The following LYPLAL1 variants were observed in gnomAD, a reference collection of about 807,000 sequenced individuals.
LYPLAL1 encodes lysophospholipase like 1.
LYPLAL1 carries 23 observed loss-of-function variants against 19.7 expected under a neutral mutation model. The observed-to-expected ratio is 1.17, with a 90% confidence interval of 0.84 to 1.65. The LOEUF is 1.65. Ranked by LOEUF, LYPLAL1 falls within the 40% of genes most tolerant of loss-of-function variation. The pLI, the probability that LYPLAL1 is intolerant of heterozygous loss-of-function variation, is 0.00. For synonymous variants in LYPLAL1, 119 were observed against 96.3 expected, an observed-to-expected ratio of 1.24 and a Z score of -1.38; for missense variants, 355 against 279.4, an observed-to-expected ratio of 1.27 and a Z score of -1.93.
chr1:219,357,501 C>A, the LYPLAL1 span, among the ~76,000 whole-genome samples: 2 of 152,160 alleles, frequency 1.3e-5, no homozygotes, highest in Non-Finnish European at 2.9e-5. Context: ...ACCATACTCA[C>A]TACTAGAATG....
At chr1:219,296,988 C>T in the LYPLAL1 span, among the ~76,000 whole-genome samples, 2 of 152,150 alleles carry the variant, frequency 1.3e-5, no homozygotes, top group African/African-American at 2.4e-5. Context: ...TAGACGTGCC[C>T]GCTAATAACT....
At chr1:219,419,816 T>G in the LYPLAL1 span, among the ~76,000 whole-genome samples, 3 of 152,148 alleles carry the variant, frequency 2.0e-5, no homozygotes, top group Non-Finnish European at 4.4e-5. Flanking sequence ...GTAAACAACC[T>G]GGAGTATCTT....
chr1:219,317,188 A>G, the LYPLAL1 span, among the ~76,000 whole-genome samples: 1 of 152,120 alleles, frequency 6.6e-6, no homozygotes, highest in Admixed American at 6.5e-5. Flanking sequence ...CAAATACTTC[A>G]TGTCAATTTT....
At chr1:219,389,019 C>A in the LYPLAL1 span, among the ~76,000 whole-genome samples, 1 of 152,258 alleles carries the variant, frequency 6.6e-6, no homozygotes. Flanking sequence ...TTTCTTTACA[C>A]ATTTAAAATA....
the LYPLAL1 span, among the ~76,000 whole-genome samples, chr1:219,310,578 T>C: frequency 7.9e-5 from 12 of 152,296 alleles, no homozygotes; most frequent in South Asian, 4.1e-4. Context: ...TTGTCTAAGC[T>C]TGGACTTCAA....
At chr1:219,254,012 G>A in the LYPLAL1 span, among the ~76,000 whole-genome samples, 1 of 152,010 alleles carries the variant, frequency 6.6e-6, no homozygotes, top group Non-Finnish European at 1.5e-5. Flanking sequence ...TTGCTGAATT[G>A]AACCCTTTAC....
At chr1:219,329,010 G>T in the LYPLAL1 span, among the ~76,000 whole-genome samples, 2 of 151,254 alleles carry the variant, frequency 1.3e-5, no homozygotes, top group Admixed American at 6.6e-5. Context: ...ATCCTTTTTG[G>T]AGCAAAGCAG....
At chr1:219,270,828 A>C in the LYPLAL1 span, 1 of 152,148 alleles carries the variant, frequency 6.6e-6, no homozygotes, top group Non-Finnish European at 1.5e-5. Context: ...TTGCCTTACT[A>C]TCTGCCTAAA....
the LYPLAL1 span, among the ~76,000 whole-genome samples, chr1:219,264,496 A>G: frequency 6.6e-6 from 1 of 152,208 alleles, no homozygotes; most frequent in Non-Finnish European, 1.5e-5. Flanking sequence ...AGATTTTCCA[A>G]AGTAGACTTC....
At chr1:219,317,954 C>A in the LYPLAL1 span, among the ~76,000 whole-genome samples, 2 of 152,092 alleles carry the variant, frequency 1.3e-5, no homozygotes, top group African/African-American at 4.8e-5. Context: ...TGTCACCAAG[C>A]GGCAGCAAGA....
At chr1:219,424,567 G>A in the LYPLAL1 span, among the ~76,000 whole-genome samples, 3 of 152,254 alleles carry the variant, frequency 2.0e-5, no homozygotes, top group South Asian at 4.2e-4. Flanking sequence ...AAGAATCAGA[G>A]GAGGACATCT....
the LYPLAL1 span, among the ~76,000 whole-genome samples, chr1:219,389,677 AG>A: frequency 6.6e-6 from 1 of 152,164 alleles, no homozygotes; most frequent in Admixed American, 6.5e-5. Context: ...ATACCAATGA[AG>A]AACTGTAATC....
At chr1:219,439,240 C>T in the LYPLAL1 span, among the ~76,000 whole-genome samples, 1 of 152,122 alleles carries the variant, frequency 6.6e-6, no homozygotes, top group Non-Finnish European at 1.5e-5. Flanking sequence ...CCCCTTCTTG[C>T]ACACTTCCTT....
chr1:219,230,866 TAAGAC>T, the LYPLAL1 span, among the ~76,000 whole-genome samples: 6 of 152,212 alleles, frequency 3.9e-5, no homozygotes, highest in Non-Finnish European at 5.9e-5. Context: ...GCTGAATTCT[TAAGAC>T]AACCATGCCA....
At chr1:219,373,862 T>TAAAAAAAAA in the LYPLAL1 span, among the ~76,000 whole-genome samples, 1 of 9,258 alleles carries the variant, frequency 1.1e-4, no homozygotes, top group Non-Finnish European at 2.5e-4. Context: ...GATAAAATTG[T>TAAAAAAAAA]CAAAAAAAAA....
At chr1:219,414,966 A>G in the LYPLAL1 span, among the ~76,000 whole-genome samples, 5 of 152,210 alleles carry the variant, frequency 3.3e-5, no homozygotes, top group South Asian at 6.2e-4. Flanking sequence ...TGTATCCAGC[A>G]TATGAATAGA....
At chr1:219,407,482 A>G in the LYPLAL1 span, among the ~76,000 whole-genome samples, 8 of 152,338 alleles carry the variant, frequency 5.3e-5, no homozygotes, top group African/African-American at 1.9e-4. Flanking sequence ...ATAATAATAA[A>G]TGTAATGTTA....
chr1:219,174,324 G>A, intron 1 of LYPLAL1: 1 of 1,136,602 alleles, frequency 8.8e-7, no homozygotes, highest in African/African-American at 1.6e-5. Flanking sequence ...CTGCTAGAGG[G>A]AAATTATTTA....
intron 3 of LYPLAL1, chr1:219,199,852 A>G (rs1256290578): frequency 4.8e-6 from 1 of 207,476 alleles, no homozygotes; most frequent in East Asian, 1.1e-4. Flanking sequence ...ATTGCCTTCA[A>G]GTGTCCAAGA....
Sources: gnomAD v4.1 joint callset for allele counts (sites outside exome capture counted in the v4.1 genomes callset) on GRCh38, gnomAD v4.1.1 for gene constraint, MANE v1.5 for transcripts, NCBI Gene and HGNC (gene_info 2026-07-23, HGNC 2026-07-21) for gene names.